DIPK1A: variants seen among roughly 807,000 people sequenced by gnomAD.
DIPK1A encodes the protein divergent protein kinase domain 1A.
In DIPK1A, 27 loss-of-function variants were observed where a neutral mutation model predicts 40.8. That is an observed-to-expected ratio of 0.66 (90% CI 0.49 to 0.91). The LOEUF (loss-of-function observed/expected upper bound fraction) is 0.91. Ranked by LOEUF, DIPK1A falls within the 40% of genes least tolerant of loss-of-function variation. DIPK1A has a pLI of 0.00. For synonymous variants in DIPK1A, 166 were observed against 171.3 expected, an observed-to-expected ratio of 0.97 and a Z score of 0.24; for missense variants, 412 against 505.7, an observed-to-expected ratio of 0.81 and a Z score of 1.78.
At chr1:92,872,628 G>A (rs1647928637) in intron 2 of DIPK1A, among the ~76,000 whole-genome samples, 1 of 152,100 alleles carries the variant, frequency 6.6e-6, no homozygotes, top group Non-Finnish European at 1.5e-5. Flanking sequence ...TCTCCAGAGA[G>A]GGTTTCCTTC....
intron 1 of DIPK1A, chr1:92,930,721 G>C (rs1299498888): frequency 6.6e-6 from 1 of 152,114 alleles, no homozygotes; most frequent in Admixed American, 6.6e-5. Flanking sequence ...TGCCTTTTCT[G>C]ATACTGTTTA....
chr1:92,834,823 G>C (rs778200458), intron 4 of DIPK1A: 2 of 1,612,148 alleles, frequency 1.2e-6, no homozygotes, highest in Non-Finnish European at 1.7e-6. Context: ...TCTGCGCAGC[G>C]TATGCACACG....
At chr1:92,833,559 T>C (rs748318627) in intron 4 of DIPK1A, 1 of 1,613,860 alleles carries the variant, frequency 6.2e-7, no homozygotes, top group East Asian at 2.2e-5. Flanking sequence ...TAAAACTGAT[T>C]ATTATGCTCG....
intron 1 of DIPK1A, among the ~76,000 whole-genome samples, chr1:92,926,894 C>T (rs1178328681): frequency 6.6e-6 from 1 of 152,170 alleles, no homozygotes; most frequent in Non-Finnish European, 1.5e-5. Context: ...TTGTTAAGTG[C>T]ATGCCTTGCA....
At chr1:92,877,898 C>CTA (rs1381257888) in intron 1 of DIPK1A, among the ~76,000 whole-genome samples, 1 of 152,138 alleles carries the variant, frequency 6.6e-6, no homozygotes, top group East Asian at 1.9e-4. Flanking sequence ...GACATAATGC[C>CTA]TATAAAACAT....
chr1:92,850,459 T>C (rs113121889), intron 3 of DIPK1A, among the ~76,000 whole-genome samples: 3,195 of 152,240 alleles, frequency 0.021, 116 homozygotes, highest in African/African-American at 0.072. Context: ...GGCGGGTGGA[T>C]TGCTTGAGCT....
rs147911909 is a variant in DIPK1A at position 92,929,359 on chromosome 1, A to G, written c.54+32017T>C. 1.2e-4 allele frequency among the ~76,000 whole-genome samples: 18 copies of G among 152,298 alleles called. No homozygotes were observed. In the East Asian group the frequency reaches 3.5e-3, roughly 29 times the overall value. On this transcript the variant is annotated intron_variant, in intron 1 of 4. Transcript: ENST00000370310. ...CAGCATCTGCTGAAAGCTCTTCTCCATTCTTTTAGCTTCCACGTGCTGCTT... is the reference window on the plus strand; with the variant it reads ...CAGCATCTGCTGAAAGCTCTTCTCCGTTCTTTTAGCTTCCACGTGCTGCTT...
chr1:92,953,259 G>GAA (rs869089436), intron 1 of DIPK1A, among the ~76,000 whole-genome samples: 1 of 20,100 alleles, frequency 5.0e-5, no homozygotes. Flanking sequence ...AAAAAGAAAA[G>GAA]AAGTGCAGAC....
rs1327266755 is a variant in DIPK1A, at chr1:92,926,390, A to C, written c.54+34986T>G. ...CAGAAAACATACTCTGTTAGATCTC[A>C]ATCTTCTAAAACTTATTAAGACTTG... On this transcript the variant is annotated intron_variant, in intron 1 of 4. Transcript: ENST00000370310. Among the ~76,000 whole-genome samples the C allele has an allele frequency of 2.6e-5, 4 of 152,296 alleles. No individual in the cohort carries two copies. The East Asian group carries it at 7.7e-4, about 29-fold the overall frequency.
intron 1 of DIPK1A, among the ~76,000 whole-genome samples, chr1:92,954,895 G>A (rs1651783732): frequency 6.6e-6 from 1 of 152,190 alleles, no homozygotes; most frequent in African/African-American, 2.4e-5. Flanking sequence ...AGATGTTTAT[G>A]TAGCAGCCTT....
chr1:92,919,834 T>G (rs1459375063), intron 1 of DIPK1A, among the ~76,000 whole-genome samples: 2 of 152,192 alleles, frequency 1.3e-5, no homozygotes, highest in African/African-American at 2.4e-5. Flanking sequence ...GATACATGGG[T>G]GCTCATCAAA....
intron 2 of DIPK1A, among the ~76,000 whole-genome samples, chr1:92,860,356 G>T (rs1476234918): frequency 1.3e-5 from 2 of 152,048 alleles, no homozygotes; most frequent in Non-Finnish European, 2.9e-5. Flanking sequence ...GCTGGCCTAA[G>T]AGACCACGTA....
intron 1 of DIPK1A, among the ~76,000 whole-genome samples, chr1:92,928,458 T>C (rs1402129054): frequency 6.6e-6 from 1 of 152,244 alleles, no homozygotes; most frequent in African/African-American, 2.4e-5. Context: ...TATTCACTGA[T>C]TTGCCATTTC....
At chr1:92,914,300 C>G (rs1649955324) in intron 1 of DIPK1A, among the ~76,000 whole-genome samples, 1 of 151,902 alleles carries the variant, frequency 6.6e-6, no homozygotes, top group South Asian at 2.1e-4. Flanking sequence ...AAAACAATGG[C>G]TTGTTCTAGG....
At chr1:92,863,133 C>T (rs2100750576) in intron 2 of DIPK1A, among the ~76,000 whole-genome samples, 1 of 152,248 alleles carries the variant, frequency 6.6e-6, no homozygotes, top group Non-Finnish European at 1.5e-5. Flanking sequence ...CTTATGTGCT[C>T]CTCCTTTTTA....
chr1:92,837,655 G>A, downstream of DIPK1A: 1 of 1,598,038 alleles, frequency 6.3e-7, no homozygotes, highest in South Asian at 1.1e-5. Context: ...ACCTAAAAAT[G>A]CCTATATTGG....
chr1:92,930,601 T>C (rs1557489802), intron 1 of DIPK1A: 1 of 152,206 alleles, frequency 6.6e-6, no homozygotes, highest in Non-Finnish European at 1.5e-5. Context: ...CAAGGTATTA[T>C]TTACCCTCTT....
chr1:92,840,492 A>G (rs1687311907), downstream of DIPK1A: 2 of 1,242,176 alleles, frequency 1.6e-6, no homozygotes, highest in South Asian at 2.4e-5. Context: ...TTATGGTTGC[A>G]TTAATATAGT....
intron 4 of DIPK1A, chr1:92,836,365 T>TCCAC: frequency 6.2e-7 from 1 of 1,614,190 alleles, no homozygotes; most frequent in Non-Finnish European, 8.5e-7. Context: ...AAGGGAGCTG[T>TCCAC]GGATGGAGGC....
Sources: allele counts gnomAD v4.1 joint callset (sites outside exome capture counted in the v4.1 genomes callset), GRCh38; gene constraint gnomAD v4.1.1; transcripts MANE v1.5; gene names NCBI Gene and HGNC (gene_info 2026-07-23, HGNC 2026-07-21).